The following ZBTB25 variants were observed in gnomAD, a reference collection of about 807,000 sequenced individuals.
The protein encoded by ZBTB25 is zinc finger and BTB domain-containing protein 25.
ZBTB25 carries 20 observed loss-of-function variants against 34.2 expected under a neutral mutation model. The observed-to-expected ratio is 0.58, with a 90% CI of 0.41 to 0.85. The LOEUF (loss-of-function observed/expected upper bound fraction) is 0.85, where lower values mean the gene tolerates loss of function less well. ZBTB25 is among the 40% of genes least tolerant of loss of function. The probability of loss-of-function intolerance (pLI) is 0.00; values close to 1 mark genes in which losing one functional copy is unlikely to be tolerated. For missense variants in ZBTB25, 437 were observed against 521.8 expected (o/e 0.84, Z 1.58); for synonymous variants, 175 against 186.4 (o/e 0.94, Z 0.50).
intron 2 of ZBTB25, chr14:64,468,620 C>CG: frequency 6.2e-7 from 1 of 1,613,840 alleles, no homozygotes. Context: ...AGAGCCCACA[C>CG]GGGGGGCCTG....
chr14:64,494,500 G>C (rs2079199230), intron 1 of ZBTB25, among the ~76,000 whole-genome samples: 1 of 152,164 alleles, frequency 6.6e-6, no homozygotes, highest in Non-Finnish European at 1.5e-5. Flanking sequence ...AGGTGTGGTA[G>C]CACATGCCTG....
chr14:64,502,646 T>C (rs2079533540), intron 1 of ZBTB25: 1 of 985,386 alleles, frequency 1.0e-6, no homozygotes. Context: ...CAAGTATATA[T>C]AATGACCTCC....
intron 1 of ZBTB25, among the ~76,000 whole-genome samples, chr14:64,497,984 G>A (rs1477763149): frequency 6.6e-6 from 1 of 152,182 alleles, no homozygotes; most frequent in Non-Finnish European, 1.5e-5. Flanking sequence ...AGGAAAGTTG[G>A]CAGAGGAATA....
chr14:64,463,460 G>C (rs532855779), intron 2 of ZBTB25: 27 of 152,136 alleles, frequency 1.8e-4, no homozygotes, highest in African/African-American at 6.5e-4. Context: ...ACCTCAAACT[G>C]CCTTTCAGTT....
At chr14:64,472,366 T>C (rs968683569) in intron 2 of ZBTB25, 2 of 167,060 alleles carry the variant, frequency 1.2e-5, no homozygotes, top group African/African-American at 2.4e-5. Context: ...GCAAAAAGTA[T>C]AGTACTTAGC....
chr14:64,504,518 G>A (rs895287304), upstream of ZBTB25: 20 of 169,272 alleles, frequency 1.2e-4, no homozygotes, highest in Non-Finnish European at 2.3e-4. Flanking sequence ...TGGTCAAGCC[G>A]CCGCCGCCGC....
intron 2 of ZBTB25, among the ~76,000 whole-genome samples, chr14:64,455,331 A>T (rs1009961636): frequency 2.6e-5 from 4 of 152,340 alleles, no homozygotes; most frequent in East Asian, 1.9e-4. Context: ...TTTTTAAGTA[A>T]GGAATTTCCC....
intron 1 of ZBTB25, among the ~76,000 whole-genome samples, chr14:64,499,889 C>G (rs773526943): frequency 1.3e-5 from 2 of 152,174 alleles, no homozygotes; most frequent in Non-Finnish European, 2.9e-5. Flanking sequence ...TAGTTATGCT[C>G]TAGAAACCTT....
In ZBTB25 at chr14:64,468,843, G is replaced by T. The variant is rs778347152; in HGVS notation, c.174-19205C>A. 6.2e-6 allele frequency: 10 copies of T among 1,614,138 alleles called. 1 individual carries two copies. The South Asian group carries it at 1.1e-4, about 18-fold the overall frequency. ...TCCAAAATTATAGAAGACTCAGACT[G>T]CAGCATCAAAGTCCAGGAAGAAGCT... On this transcript the variant is annotated intron_variant, in intron 2 of 2. Coordinates refer to the ZBTB25 transcript ENST00000555220.
At chr14:64,475,399 ATT>A (rs1264652919), downstream of ZBTB25, among the ~76,000 whole-genome samples, 1 of 151,814 alleles carries the variant, frequency 6.6e-6, no homozygotes, top group Non-Finnish European at 1.5e-5. Context: ...ACATCATGCC[ATT>A]GCACTCCAGC....
At chr14:64,466,555 AT>A (rs937957841) in intron 2 of ZBTB25, among the ~76,000 whole-genome samples, 67 of 152,348 alleles carry the variant, frequency 4.4e-4, no homozygotes, top group African/African-American at 1.5e-3. Flanking sequence ...TCACTGAAAC[AT>A]TGTGAGGAGA....
Position 64,479,074 on chromosome 14 carries a change from T to C in ZBTB25, c.*7849A>G, listed in dbSNP as rs1421860458. ...CATTTTTATCTTTTAAAAGCTGGGA[T>C]CAAGGATAATACAAATAGAATTTAA... On this transcript the variant is annotated 3_prime_UTR_variant, in exon 3 of 3. Coordinates refer to ENST00000608382, the MANE Select transcript of ZBTB25 (RefSeq NM_006977.5). The C allele has an allele frequency of 6.6e-6, 1 of 152,210 alleles. No individual in the cohort carries two copies. Among genetic ancestry groups the C allele is most frequent in the Non-Finnish European group, 1.5e-5 (1 of 68,046 alleles). The allele number at this position is 152,210 out of a possible 1,614,324, so 9.4% of individuals were successfully genotyped here. A position where few individuals can be genotyped will look rare whatever the true frequency, so the allele number is the denominator to read the frequency against.
Position 64,487,004 on chromosome 14 carries a change from C to T in ZBTB25, c.1227G>A (p.Leu409=). 6.2e-7 allele frequency: 1 copy of T among 1,614,164 alleles called. No homozygotes were observed. Among genetic ancestry groups the T allele is most frequent in the Non-Finnish European group, 8.5e-7 (1 of 1,180,040 alleles). ...WSDVSLKSSR[L]SQEHLDLPCA... The stretch of plus-strand genomic sequence containing the variant: ...AAGGCAAGTCTAAGTGTTCTTGTGA[C>T]AAGCGAGAACTTTTCAGGGAGACAT... Residue 409 remains leucine, a synonymous_variant, in exon 3 of 3, where the codon TTG becomes TTA. Coordinates refer to ENST00000608382, the MANE Select transcript of ZBTB25 (RefSeq NM_006977.5).
At chr14:64,459,864 C>T (rs1404720257) in intron 2 of ZBTB25, 1 of 1,536,010 alleles carries the variant, frequency 6.5e-7, no homozygotes, top group Non-Finnish European at 8.7e-7. Flanking sequence ...CAGCCCCTGC[C>T]CAGAAGATCT....
chr14:64,501,286 AAAT>A (rs2079488842), intron 1 of ZBTB25, among the ~76,000 whole-genome samples: 1 of 152,172 alleles, frequency 6.6e-6, no homozygotes, highest in African/African-American at 2.4e-5. Flanking sequence ...CTATCTCTTA[AAAT>A]CGTCACTGTG....
At chr14:64,473,706 A>C (rs1236132715), downstream of ZBTB25, 2 of 166,988 alleles carry the variant, frequency 1.2e-5, no homozygotes, top group Non-Finnish European at 2.9e-5. Flanking sequence ...CTTTATTGAA[A>C]TATGTAGTCT....
chr14:64,449,132 C>G (rs1409164255), exon 3 of ZBTB25: 3 of 407,866 alleles, frequency 7.4e-6, no homozygotes, highest in East Asian at 5.5e-5. Flanking sequence ...TTTACTGATT[C>G]CTTCTGGAGT....
Position 64,482,732 on chromosome 14 carries a change from C to T in ZBTB25, c.*4191G>A, listed in dbSNP as rs1467398444. 3 of 152,154 alleles carry T rather than the reference C, an allele frequency of 2.0e-5. No homozygotes were observed. The highest frequency in any genetic ancestry group is 2.0e-4 in the Admixed American group (3 of 15,278). 9.4% of individuals were successfully genotyped at this position (152,154 alleles called of 1,614,324 possible). A position where few individuals can be genotyped will look rare whatever the true frequency, so the allele number is the denominator to read the frequency against. ...ATTAGTTATTGAATATTAGATAGTA[C>T]ATTACTGCTTTTAAGAACATTTTAG... On this transcript the variant is annotated 3_prime_UTR_variant, in exon 3 of 3. Transcript: ENST00000608382.
chr14:64,489,604 C>G (rs919482403), intron 2 of ZBTB25, among the ~76,000 whole-genome samples: 1 of 150,862 alleles, frequency 6.6e-6, no homozygotes, highest in Non-Finnish European at 1.5e-5. Context: ...GGCGCGATCT[C>G]GGCTCACTGC....
Sources: allele counts gnomAD v4.1 joint callset (sites outside exome capture counted in the v4.1 genomes callset), GRCh38; gene constraint gnomAD v4.1.1; transcripts MANE v1.5; gene names NCBI Gene and HGNC (gene_info 2026-07-23, HGNC 2026-07-21).